The following MAP2K5 variants were observed in gnomAD, a reference collection of about 807,000 sequenced individuals.
The protein encoded by MAP2K5 is dual specificity mitogen-activated protein kinase kinase 5.
MAP2K5 carries 49 observed loss-of-function variants against 83.1 expected under a neutral mutation model. That is an observed-to-expected ratio of 0.59 (90% CI 0.47 to 0.75). The LOEUF (loss-of-function observed/expected upper bound fraction) is 0.75, where lower values mean the gene tolerates loss of function less well. Ranked by LOEUF, MAP2K5 falls within the 30% of genes least tolerant of loss-of-function variation. The pLI is 0.00. For synonymous variants in MAP2K5, 202 were observed against 191.8 expected (o/e 1.05, Z -0.44); for missense variants, 457 against 557.5 (o/e 0.82, Z 1.82).
chr15:67,629,128 G>A (rs1468795117), intron 8 of MAP2K5: 1 of 730,128 alleles, frequency 1.4e-6, no homozygotes. Flanking sequence ...AGTGGCAGAA[G>A]ATTTTAATTA....
intron 11 of MAP2K5, among the ~76,000 whole-genome samples, chr15:67,654,458 G>A (rs62016199): frequency 0.078 from 11,840 of 151,936 alleles, 608 homozygotes; most frequent in East Asian, 0.11. Context: ...GCATATAGTT[G>A]GATCATTTTT....
Position 67,596,354 on chromosome 15 carries a change from C to T in MAP2K5, c.480+3380C>T, listed in dbSNP as rs147530901. Among the ~76,000 whole-genome samples, 320 of 152,012 alleles carry T rather than the reference C, an allele frequency of 2.1e-3. 7 individuals are homozygous for T. The East Asian group carries it at 0.055, about 26-fold the overall frequency. The stretch of plus-strand genomic sequence containing the variant: ...GCTTGAACCCAGGAGGCAGAGGTTG[C>T]GGTGAGCCAAGACTGCACCACTGCA... On this transcript the variant is annotated intron_variant, in intron 7 of 21. Transcript: ENST00000178640.
At chr15:67,617,711 A>T (rs957859551) in intron 8 of MAP2K5, among the ~76,000 whole-genome samples, 3 of 151,914 alleles carry the variant, frequency 2.0e-5, no homozygotes, top group Admixed American at 6.6e-5. Context: ...TTATTTTTTG[A>T]TACAGGGCCT....
At chr15:67,584,879 G>T (rs1228540178) in intron 4 of MAP2K5, among the ~76,000 whole-genome samples, 1 of 150,902 alleles carries the variant, frequency 6.6e-6, no homozygotes, top group Admixed American at 6.6e-5. Context: ...TGTATTTTAG[G>T]TAGAGACAGC....
In MAP2K5 at chr15:67,600,617, G is replaced by A. The variant is rs543960008; in HGVS notation, c.481-68G>A. On this transcript the variant is annotated intron_variant, in intron 7 of 21. Coordinates refer to ENST00000178640, the MANE Select transcript of MAP2K5 (RefSeq NM_145160.3). Reference sequence around the variant, plus strand: ...GACTGCTTGTTGTTTATGGCCCAGAGTTGCTTTTCCTTGACATTTCCATCC... The same window carrying A: ...GACTGCTTGTTGTTTATGGCCCAGAATTGCTTTTCCTTGACATTTCCATCC... 2.4e-3 allele frequency: 3,067 copies of A among 1,254,590 alleles called. 8 individuals carry two copies. The highest frequency in any genetic ancestry group is 3.0e-3 in the Non-Finnish European group (2,610 of 869,658). 77.7% of individuals were successfully genotyped at this position (1,254,590 alleles called of 1,614,324 possible).
intron 16 of MAP2K5, among the ~76,000 whole-genome samples, chr15:67,713,464 G>A (rs1000071257): frequency 2.6e-5 from 4 of 152,242 alleles, no homozygotes; most frequent in African/African-American, 9.6e-5. Context: ...GGCCATGTGT[G>A]GTAGCTCACA....
intron 7 of MAP2K5, among the ~76,000 whole-genome samples, chr15:67,595,914 A>G (rs2085514898): frequency 6.6e-6 from 1 of 152,162 alleles, no homozygotes; most frequent in Non-Finnish European, 1.5e-5. Context: ...AAGAATTTAA[A>G]AAGTGCACAG....
chr15:67,789,740 T>G (rs1358215042), intron 21 of MAP2K5, among the ~76,000 whole-genome samples: 2 of 152,218 alleles, frequency 1.3e-5, no homozygotes, highest in African/African-American at 4.8e-5. Context: ...ATCTAATCAT[T>G]TTAATTTATG....
chr15:67,764,959 TTC>T lies in MAP2K5; in HGVS notation c.1135-4641_1135-4640del, dbSNP rs2090014751. On this transcript the variant is annotated intron_variant, in intron 19 of 21. Coordinates refer to ENST00000178640, the MANE Select transcript of MAP2K5 (RefSeq NM_145160.3). This position sits in a 1 kb window ranked among gnomAD's most constrained non-coding sequence, Gnocchi z 4.9. ...ATCCCTTACCTTTTCTTTTTAAACT[TTC>T]TATTTTGACGTAATTTTTAGATTTA... 6.6e-6 allele frequency among the ~76,000 whole-genome samples: 1 copy of T among 152,238 alleles called. No homozygotes were observed. The highest frequency in any genetic ancestry group is 2.4e-5 in the African/African-American group (1 of 41,456).
At chr15:67,711,339 G>A (rs1215077026) in intron 16 of MAP2K5, among the ~76,000 whole-genome samples, 5 of 152,206 alleles carry the variant, frequency 3.3e-5, no homozygotes, top group Admixed American at 2.0e-4. Flanking sequence ...TTGTGAAGAA[G>A]AGCTTTCAGT....
rs747273525 is a variant in MAP2K5 at position 67,806,814 on chromosome 15, T to A, written c.*64T>A. On this transcript the variant is annotated 3_prime_UTR_variant, in exon 22 of 22. Transcript: ENST00000178640. The stretch of plus-strand genomic sequence containing the variant: ...AAGGAGAACAACCCACCCGTCGCCC[T>A]TCTCCGTATGCTGCCTGCGCCAGAA... 2.4e-5 allele frequency: 39 copies of A among 1,598,024 alleles called. No individual in the cohort carries two copies. Among genetic ancestry groups the A allele is most frequent in the Non-Finnish European group, 2.9e-5 (34 of 1,179,336 alleles).
chr15:67,563,642 A>G lies in MAP2K5; in HGVS notation c.252+292A>G, dbSNP rs1318957450. 1.3e-5 allele frequency among the ~76,000 whole-genome samples: 2 copies of G among 152,168 alleles called. No individual in the cohort carries two copies. The highest frequency in any genetic ancestry group is 1.5e-5 in the Non-Finnish European group (1 of 68,030). ...TCCTGTATTTTTTATGCAGTACTTA[A>G]AGTAACGGCTCATTAAAAATGAACC... is the stretch of plus-strand genomic sequence containing the variant. On this transcript the variant is annotated intron_variant, in intron 3 of 21. Transcript: ENST00000178640. This position sits in a 1 kb window ranked among gnomAD's most constrained non-coding sequence, Gnocchi z 4.5.
Position 67,633,818 on chromosome 15 carries a change from T to A in MAP2K5, c.585+2891T>A, listed in dbSNP as rs181324840. Among the ~76,000 whole-genome samples, 86 of 152,326 alleles carry A rather than the reference T, an allele frequency of 5.6e-4. No individual in the cohort carries two copies. In the East Asian group the frequency reaches 0.013, roughly 22 times the overall value. On this transcript the variant is annotated intron_variant, in intron 9 of 21. Coordinates refer to ENST00000178640, the MANE Select transcript of MAP2K5 (RefSeq NM_145160.3). ...TTGTTGGTAGTTTAGGCAAAAACCA[T>A]GTAACTTGTATAATAGTCATAATCT...
Position 67,783,440 on chromosome 15 carries a change from G to T in MAP2K5, c.1242+10688G>T, listed in dbSNP as rs1378598830. Among the ~76,000 whole-genome samples the T allele has an allele frequency of 6.6e-6, 1 of 152,134 alleles. No homozygotes were observed. Among genetic ancestry groups the T allele is most frequent in the Non-Finnish European group, 1.5e-5 (1 of 68,030 alleles). ...TCTTTGCTTGTGCTGTTTTCTCACC[G>T]CCAGATGGTGAACTTCTCCACCTCC... On this transcript the variant is annotated intron_variant, in intron 21 of 21. Coordinates refer to ENST00000178640, the MANE Select transcript of MAP2K5 (RefSeq NM_145160.3). The surrounding 1 kb of genome is among the most constrained non-coding windows in gnomAD (Gnocchi z 5.1).
intron 3 of MAP2K5, among the ~76,000 whole-genome samples, chr15:67,578,113 T>C (rs1241178777): frequency 2.0e-5 from 3 of 152,232 alleles, no homozygotes; most frequent in African/African-American, 7.2e-5. Context: ...ATTTTACAAA[T>C]GAGTAACATG....
Position 67,640,666 on chromosome 15 carries a change from A to G in MAP2K5, c.586-5565A>G, listed in dbSNP as rs970055863. 5.5e-6 allele frequency: 4 copies of G among 724,212 alleles called. No homozygotes were observed. In the African/African-American group the frequency reaches 7.7e-5, roughly 14 times the overall value. The allele number at this position is 724,212 out of a possible 1,614,324, so 44.9% of individuals were successfully genotyped here. On this transcript the variant is annotated intron_variant, in intron 9 of 21. Coordinates refer to ENST00000178640, the MANE Select transcript of MAP2K5 (RefSeq NM_145160.3). This position sits in a 1 kb window ranked among gnomAD's most constrained non-coding sequence, Gnocchi z 4.6. ...TTTGAATGTCTATGGGCACAATTAGATGAGTCCTTGAAAATCTGTTGCTTT... is the reference window on the plus strand; with the variant it reads ...TTTGAATGTCTATGGGCACAATTAGGTGAGTCCTTGAAAATCTGTTGCTTT...
chr15:67,717,281 G>A lies in MAP2K5; in HGVS notation c.1045-10635G>A, dbSNP rs2088849793. 6.6e-6 allele frequency among the ~76,000 whole-genome samples: 1 copy of A among 152,046 alleles called. No individual in the cohort carries two copies. The highest frequency in any genetic ancestry group is 2.4e-5 in the African/African-American group (1 of 41,396). On this transcript the variant is annotated intron_variant, in intron 16 of 21. Transcript: ENST00000178640. This position sits in a 1 kb window ranked among gnomAD's most constrained non-coding sequence, Gnocchi z 4.1. ...TGCTAGTTACCTTTCAGAAACTAAGGCCTAGTTTATTTATTAAAAAGAAAC... is the reference window on the plus strand; with the variant it reads ...TGCTAGTTACCTTTCAGAAACTAAGACCTAGTTTATTTATTAAAAAGAAAC...
intron 21 of MAP2K5, among the ~76,000 whole-genome samples, chr15:67,787,435 A>G (rs2090439480): frequency 6.6e-6 from 1 of 152,198 alleles, no homozygotes; most frequent in African/African-American, 2.4e-5. Context: ...TGCCTTTGCA[A>G]TTTCAGGAAC....
intron 6 of MAP2K5, among the ~76,000 whole-genome samples, chr15:67,588,689 C>T (rs967783609): frequency 1.1e-4 from 16 of 152,232 alleles, no homozygotes; most frequent in African/African-American, 3.9e-4. Context: ...CCAGCTCTTT[C>T]ATCTTTTCTG....
Sources: gnomAD v4.1 joint callset for allele counts (sites outside exome capture counted in the v4.1 genomes callset) on GRCh38, gnomAD v4.1.1 for gene constraint, Gnocchi (gnomAD v3.1) non-coding constraint, MANE v1.5 for transcripts, NCBI Gene and HGNC (gene_info 2026-07-23, HGNC 2026-07-21) for gene names.